The following CTNNA3 variants were observed in gnomAD, a reference collection of about 807,000 sequenced individuals.
The protein encoded by CTNNA3 is catenin alpha-3.
Under a neutral mutation model 95.7 loss-of-function variants are expected in CTNNA3, and 76 were observed. The observed-to-expected ratio is 0.79, with a 90% CI of 0.66 to 0.96. CTNNA3 has a LOEUF of 0.96. Ranked by LOEUF, CTNNA3 falls within the 40% of genes least tolerant of loss-of-function variation. CTNNA3 has a pLI of 0.00. For missense variants in CTNNA3, 1,191 were observed against 1,089.8 expected (o/e 1.09, Z -1.31); for synonymous variants, 431 against 374.4 (o/e 1.15, Z -1.74).
At chr10:65,943,638 G>A (rs1003254859) in intron 17 of CTNNA3, among the ~76,000 whole-genome samples, 6 of 152,154 alleles carry the variant, frequency 3.9e-5, no homozygotes, top group African/African-American at 1.2e-4. Context: ...AACCCTGAAG[G>A]GTTCAGCCAC....
chr10:67,602,180 G>GACAAAT (rs1485280945), intron 3 of CTNNA3, among the ~76,000 whole-genome samples: 2 of 83,848 alleles, frequency 2.4e-5, no homozygotes, highest in Non-Finnish European at 4.6e-5. Context: ...TATGCCACTG[G>GACAAAT]ACAAATACCT....
chr10:67,423,824 G>C (rs1379480586), intron 5 of CTNNA3, among the ~76,000 whole-genome samples: 1 of 152,114 alleles, frequency 6.6e-6, no homozygotes. Flanking sequence ...ATCAATGTTT[G>C]CTGAATAAAT....
intron 5 of CTNNA3, among the ~76,000 whole-genome samples, chr10:67,500,110 C>G: frequency 6.6e-6 from 1 of 152,046 alleles, no homozygotes; most frequent in East Asian, 1.9e-4. Context: ...TAGCTGTGTC[C>G]CAGGGATTCT....
intron 7 of CTNNA3, among the ~76,000 whole-genome samples, chr10:66,913,395 C>T (rs1008187643): frequency 1.3e-5 from 2 of 152,046 alleles, no homozygotes; most frequent in African/African-American, 4.8e-5. Context: ...CTCCCATTTT[C>T]AACCTTGGGC....
At chr10:66,423,315 T>G (rs2093211724) in intron 11 of CTNNA3, among the ~76,000 whole-genome samples, 1 of 152,104 alleles carries the variant, frequency 6.6e-6, no homozygotes, top group Non-Finnish European at 1.5e-5. Context: ...ACTAACAAAT[T>G]TAATCATGTT....
chr10:67,695,844 CA>C (rs2133597504), intron 1 of CTNNA3, among the ~76,000 whole-genome samples, 155 bp downstream of exon 1: 1 of 152,284 alleles, frequency 6.6e-6, no homozygotes, highest in South Asian at 2.1e-4. Flanking sequence ...CATAACTAGT[CA>C]AAACATTCCT....
intron 6 of CTNNA3, among the ~76,000 whole-genome samples, chr10:67,190,815 A>G (rs538673299): frequency 6.6e-6 from 1 of 152,212 alleles, no homozygotes; most frequent in Admixed American, 6.5e-5. Context: ...AACAAGACAC[A>G]GACTGGGAGA....
At chr10:67,496,034 A>T (rs1839011994) in intron 5 of CTNNA3, among the ~76,000 whole-genome samples, 1 of 152,244 alleles carries the variant, frequency 6.6e-6, no homozygotes, top group South Asian at 2.1e-4. Flanking sequence ...GTGAATAATC[A>T]TCACATATTT....
intron 15 of CTNNA3, among the ~76,000 whole-genome samples, chr10:66,055,083 G>T (rs1160332630): frequency 6.6e-6 from 1 of 152,074 alleles, no homozygotes; most frequent in Non-Finnish European, 1.5e-5. Flanking sequence ...TGGTCTGTGT[G>T]TCTGTTTTTA....
intron 1 of CTNNA3, chr10:67,750,210 T>G (rs1409125302): frequency 7.1e-7 from 1 of 1,417,740 alleles, no homozygotes; most frequent in Non-Finnish European, 9.9e-7. Context: ...AAGAACCCAC[T>G]GGAAGGAACC....
chr10:67,052,585 T>C (rs1483338995), intron 7 of CTNNA3: 1 of 152,196 alleles, frequency 6.6e-6, no homozygotes, highest in African/African-American at 2.4e-5. Context: ...ATCCCATTCT[T>C]CCAGTCTGTG....
chr10:66,879,377 C>T (rs763036947), intron 7 of CTNNA3, among the ~76,000 whole-genome samples: 15 of 152,104 alleles, frequency 9.9e-5, no homozygotes, highest in African/African-American at 2.2e-4. Flanking sequence ...ACCTCACACT[C>T]GAAATAAAAG....
chr10:66,428,931 C>CA (rs1413982234), intron 11 of CTNNA3, among the ~76,000 whole-genome samples: 2 of 151,722 alleles, frequency 1.3e-5, no homozygotes, highest in Non-Finnish European at 1.5e-5. Flanking sequence ...GATAGAGACA[C>CA]AAAAAACCCT....
chr10:67,327,360 T>C (rs1321499131), intron 5 of CTNNA3, among the ~76,000 whole-genome samples: 2 of 152,242 alleles, frequency 1.3e-5, no homozygotes, highest in African/African-American at 4.8e-5. Context: ...TGGACTTACC[T>C]TCCTTCAATC....
intron 7 of CTNNA3, among the ~76,000 whole-genome samples, chr10:67,022,599 T>G (rs528881226): frequency 4.6e-5 from 7 of 152,218 alleles, no homozygotes; most frequent in African/African-American, 1.7e-4. Context: ...TATACAAAGG[T>G]AAGTATACTA....
At chr10:66,526,818 T>G (rs190354647) in intron 10 of CTNNA3, among the ~76,000 whole-genome samples, 8 of 152,282 alleles carry the variant, frequency 5.3e-5, no homozygotes, top group African/African-American at 1.9e-4. Context: ...CTTTTAGGAG[T>G]CCTTTACATA....
In CTNNA3 at chr10:66,345,075, G is replaced by A. The variant is rs901320947; in HGVS notation, c.1732+34077C>T. Among the ~76,000 whole-genome samples, 2 of 151,972 alleles carry A rather than the reference G, an allele frequency of 1.3e-5. 1 individual carries two copies. Among genetic ancestry groups the A allele is most frequent in the Non-Finnish European group, 2.9e-5 (2 of 67,958 alleles). On this transcript the variant is annotated intron_variant, in intron 12 of 17. Coordinates refer to ENST00000433211, the MANE Select transcript of CTNNA3 (RefSeq NM_013266.4). ...GGAGCAAGACTTATCTTTATTAAAG[G>A]TTTATCATAAATTAGAAAAAATATG...
At chr10:66,829,960 G>A (rs924317331) in intron 7 of CTNNA3, among the ~76,000 whole-genome samples, 1 of 151,868 alleles carries the variant, frequency 6.6e-6, no homozygotes, top group Non-Finnish European at 1.5e-5. Flanking sequence ...CCGCCTCCCG[G>A]GTTCACGCCA....
At chr10:67,184,991 T>C (rs1315031660) in intron 6 of CTNNA3, among the ~76,000 whole-genome samples, 2 of 152,226 alleles carry the variant, frequency 1.3e-5, no homozygotes, top group Non-Finnish European at 2.9e-5. Context: ...ACATTCTTCA[T>C]GAACTTTTTG....
Sources: gnomAD v4.1 joint callset for allele counts (sites outside exome capture counted in the v4.1 genomes callset) on GRCh38, gnomAD v4.1.1 for gene constraint, MANE v1.5 for transcripts, NCBI Gene and HGNC (gene_info 2026-07-23, HGNC 2026-07-21) for gene names.